DDAH1: variants seen among roughly 807,000 people sequenced by gnomAD.
DDAH1 encodes N(G),N(G)-dimethylarginine dimethylaminohydrolase 1.
In DDAH1, 19 loss-of-function variants were observed where a neutral mutation model predicts 28.8. The observed-to-expected ratio is 0.66, with a 90% CI of 0.46 to 0.97. The LOEUF is 0.97. DDAH1 is among the 50% of genes least tolerant of loss of function. The pLI is 0.00. For synonymous variants in DDAH1, 153 were observed against 154.4 expected (o/e 0.99, Z 0.07); for missense variants, 326 against 375.9 (o/e 0.87, Z 1.10).
At chr1:85,487,708 T>C (rs1295458077) in intron 2 of DDAH1, among the ~76,000 whole-genome samples, 1 of 152,180 alleles carries the variant, frequency 6.6e-6, no homozygotes. Context: ...TTATTCTCTA[T>C]CTGCCTATCT....
rs76929543 is a variant in DDAH1 at position 85,357,371 on chromosome 1, G to A, written c.403+1377C>T. On this transcript the variant is annotated intron_variant, in intron 2 of 5. Transcript: ENST00000284031. Reference sequence around the variant, plus strand: ...TCACACAATCCCTAAGAAGAATGGCGCCCCCAGAGCTGGCAACGTGGTGGC... The same window carrying A: ...TCACACAATCCCTAAGAAGAATGGCACCCCCAGAGCTGGCAACGTGGTGGC... Among the ~76,000 whole-genome samples, 809 of 152,186 alleles carry A rather than the reference G, an allele frequency of 5.3e-3. 7 individuals carry two copies. Among genetic ancestry groups the A allele is most frequent in the African/African-American group, 0.019 (773 of 41,530 alleles).
intron 1 of DDAH1, among the ~76,000 whole-genome samples, chr1:85,563,421 G>A (rs1456212062): frequency 2.6e-5 from 4 of 152,166 alleles, no homozygotes; most frequent in African/African-American, 9.7e-5. Flanking sequence ...CAAATTATGG[G>A]GCAGCAAGTG....
rs549472470 is a variant in DDAH1, at chr1:85,372,199, A to G, written c.304-13352T>C. On this transcript the variant is annotated intron_variant, in intron 1 of 5. Coordinates refer to ENST00000284031, the MANE Select transcript of DDAH1 (RefSeq NM_012137.4). The stretch of plus-strand genomic sequence containing the variant: ...TTCACCCTTTGTCATATGTTCATAC[A>G]TTTGCTTCTCTGGGAACTTGTTTAA... 8.5e-5 allele frequency among the ~76,000 whole-genome samples: 13 copies of G among 152,238 alleles called. No individual in the cohort carries two copies. In the East Asian group the frequency reaches 2.1e-3, roughly 25 times the overall value.
At chr1:85,325,638 G>A (rs987423654) in intron 4 of DDAH1, among the ~76,000 whole-genome samples, 1 of 150,654 alleles carries the variant, frequency 6.6e-6, no homozygotes, top group Non-Finnish European at 1.5e-5. Flanking sequence ...TGGCAGGTCT[G>A]TTCTTCAAAT....
At chr1:85,404,289 T>A in intron 1 of DDAH1, 2 of 1,290,674 alleles carry the variant, frequency 1.5e-6, no homozygotes, top group Non-Finnish European at 2.1e-6. Flanking sequence ...TATTGACCCA[T>A]TATACATGAA....
At chr1:85,456,178 G>T (rs1279139934) in intron 1 of DDAH1, among the ~76,000 whole-genome samples, 1 of 152,074 alleles carries the variant, frequency 6.6e-6, no homozygotes, top group Admixed American at 6.5e-5. Flanking sequence ...AGGACAGTGG[G>T]TATCCCCACC....
At chr1:85,387,552 C>T (rs1207994964) in intron 1 of DDAH1, among the ~76,000 whole-genome samples, 1 of 152,192 alleles carries the variant, frequency 6.6e-6, no homozygotes, top group African/African-American at 2.4e-5. Context: ...ACCTTGTCAG[C>T]TGGGCTTCAC....
intron 2 of DDAH1, among the ~76,000 whole-genome samples, chr1:85,355,787 G>T (rs1019924770): frequency 6.6e-6 from 1 of 151,708 alleles, no homozygotes; most frequent in African/African-American, 2.4e-5. Context: ...ACATTATGGT[G>T]TATTCTTATC....
chr1:85,551,624 T>A (rs1880208), intron 1 of DDAH1, among the ~76,000 whole-genome samples: 3 of 152,100 alleles, frequency 2.0e-5, no homozygotes, highest in Admixed American at 6.5e-5. Flanking sequence ...GATAAGGAGC[T>A]TTCTGCTCCT....
chr1:85,567,926 T>A (rs1260398030), intron 1 of DDAH1, among the ~76,000 whole-genome samples: 1 of 152,218 alleles, frequency 6.6e-6, no homozygotes, highest in African/African-American at 2.4e-5. Flanking sequence ...ATGGACTATA[T>A]TCTGGGTCAT....
chr1:85,380,181 C>T (rs1008825931), intron 1 of DDAH1, among the ~76,000 whole-genome samples: 20 of 151,940 alleles, frequency 1.3e-4, no homozygotes, highest in African/African-American at 4.1e-4. Flanking sequence ...TGAACCAGGC[C>T]GTATGACATT....
chr1:85,496,887 G>T (rs1328422561), intron 1 of DDAH1, among the ~76,000 whole-genome samples: 1 of 152,108 alleles, frequency 6.6e-6, no homozygotes, highest in African/African-American at 2.4e-5. Flanking sequence ...CCATCATTCA[G>T]CACGAACACT....
At chr1:85,435,514 G>A (rs145071473) in intron 1 of DDAH1, among the ~76,000 whole-genome samples, 1 of 152,146 alleles carries the variant, frequency 6.6e-6, no homozygotes, top group South Asian at 2.1e-4. Flanking sequence ...ACATGCTAGT[G>A]GGGGATAAAA....
rs1397839883 is a variant in DDAH1, at chr1:85,479,215, G to A, written c.-7+16951C>T. Among the ~76,000 whole-genome samples the A allele has an allele frequency of 9.4e-5, 13 of 138,476 alleles. No homozygotes were observed. The East Asian group carries it at 2.1e-3, about 22-fold the overall frequency. 90.8% of individuals were successfully genotyped at this position (138,476 alleles called of 152,430 possible). On this transcript the variant is annotated intron_variant, in intron 2 of 6. Coordinates refer to the DDAH1 transcript ENST00000426972. ...GGAGTCTTGCTCTGTCGCCCAGGCC[G>A]GACTGCGGACTGCAGTGGCGCGATC... is the stretch of plus-strand genomic sequence containing the variant.
At chr1:85,351,453 G>T in intron 3 of DDAH1, 53 bp downstream of exon 3, 1 of 1,382,964 alleles carries the variant, frequency 7.2e-7, no homozygotes, top group South Asian at 1.2e-5. Flanking sequence ...ATGGTTCTAT[G>T]ATTATTTATT....
intron 2 of DDAH1, among the ~76,000 whole-genome samples, chr1:85,485,588 CAT>C (rs1387458278): frequency 2.0e-5 from 3 of 152,158 alleles, no homozygotes; most frequent in Non-Finnish European, 4.4e-5. Context: ...CCTTCAGCCA[CAT>C]GTCAGTAAGA....
chr1:85,552,163 C>G (rs1246232169), intron 1 of DDAH1, among the ~76,000 whole-genome samples: 2 of 152,196 alleles, frequency 1.3e-5, no homozygotes, highest in East Asian at 3.8e-4. Context: ...TGGAAAAAGT[C>G]ATGGCTACTG....
chr1:85,486,687 T>A (rs368966132), intron 2 of DDAH1, among the ~76,000 whole-genome samples: 1 of 152,130 alleles, frequency 6.6e-6, no homozygotes. Context: ...ATCTCAATGG[T>A]GTGCAATAAA....
intron 1 of DDAH1, among the ~76,000 whole-genome samples, chr1:85,562,061 A>G (rs1054487335): frequency 2.0e-5 from 3 of 152,202 alleles, no homozygotes; most frequent in African/African-American, 4.8e-5. Context: ...GTAAGAAGCT[A>G]CTTTTAAGAT....
Sources: allele counts gnomAD v4.1 joint callset (sites outside exome capture counted in the v4.1 genomes callset), GRCh38; gene constraint gnomAD v4.1.1; transcripts MANE v1.5; gene names NCBI Gene and HGNC (gene_info 2026-07-23, HGNC 2026-07-21).